The following USF3 variants were observed in gnomAD, a reference collection of about 807,000 sequenced individuals.
USF3 encodes upstream transcription factor family member 3.
A neutral mutation model predicts 157.5 loss-of-function variants in USF3; 29 were observed. The ratio of observed to expected loss-of-function variants is 0.18; its 90% confidence interval spans 0.14 to 0.25. USF3 has a LOEUF of 0.25. Ranked by LOEUF, USF3 falls within the 10% of genes least tolerant of loss-of-function variation. The pLI is 1.00. For missense variants in USF3, 2,381 were observed against 2,667.6 expected (o/e 0.89, Z 2.37); for synonymous variants, 893 against 941.4 (o/e 0.95, Z 0.94).
chr3:113,669,544 C>A (rs776617146), intron 5 of USF3, among the ~76,000 whole-genome samples: 1 of 151,818 alleles, frequency 6.6e-6, no homozygotes, highest in Non-Finnish European at 1.5e-5. Flanking sequence ...TTGTGCCTTT[C>A]GTATTGTTTC....
intron 2 of USF3, 137 bp downstream of exon 2, chr3:113,677,145 C>T (rs542019740): frequency 8.5e-5 from 13 of 152,266 alleles, no homozygotes; most frequent in African/African-American, 3.1e-4. Flanking sequence ...GCAGCTTATT[C>T]CTATTCCACC....
intron 1 of USF3, among the ~76,000 whole-genome samples, chr3:113,696,013 C>T (rs879293596): frequency 2.0e-5 from 3 of 152,228 alleles, no homozygotes; most frequent in Non-Finnish European, 4.4e-5. Context: ...CGGGCAAAGG[C>T]CATCTGGTGT....
chr3:113,659,084 A>G lies in USF3; in HGVS notation c.2598T>C (p.Ser866=). ...ANSVSVSASH[S]LGVLSSESLI... is the part of the protein sequence containing the mutation. ...ATGATTCAGAGCTTAGAACACCCAA[A>G]GAATGTGAAGCAGAAACACTCACAC... The change falls in exon 7 of 7, where the codon TCT becomes TCC. Residue 866 remains serine (S), a synonymous_variant. Transcript: ENST00000316407. 6.2e-7 allele frequency: 1 copy of G among 1,614,188 alleles called. No homozygotes were observed. The highest frequency in any genetic ancestry group is 8.5e-7 in the Non-Finnish European group (1 of 1,180,022).
At chr3:113,679,589 T>C (rs1287496770) in intron 1 of USF3, among the ~76,000 whole-genome samples, 1 of 151,982 alleles carries the variant, frequency 6.6e-6, no homozygotes, top group Non-Finnish European at 1.5e-5. Flanking sequence ...AATTTTTGTA[T>C]TTTTAGTAGA....
At position 113,660,175 on chromosome 3, in the gene USF3, A is replaced by G; in HGVS notation, c.1507T>C (p.Ser503Pro). ...QVVVTLPSCP[S>P]LPMQPLIAQP... The stretch of plus-strand genomic sequence containing the variant: ...GCAATTAGTGGCTGCATAGGTAAAG[A>G]TGGACAAGAAGGCAATGTTACAACT... The change falls in exon 7 of 7, where the codon TCT becomes CCT. Residue 503 changes from serine (S) to proline (P), a missense_variant. Physicochemically the swap from Ser to Pro is moderately conservative, Grantham distance 74. Transcript: ENST00000316407. 2 of 1,614,202 alleles carry G rather than the reference A, an allele frequency of 1.2e-6. No homozygotes were observed. The highest frequency in any genetic ancestry group is 1.7e-6 in the Non-Finnish European group (2 of 1,180,036).
chr3:113,657,558 A>C lies in USF3; in HGVS notation c.4124T>G (p.Val1375Gly), dbSNP rs769177653. 6 of 1,614,160 alleles carry C rather than the reference A, an allele frequency of 3.7e-6. No homozygotes were observed. Among genetic ancestry groups the C allele is most frequent in the Non-Finnish European group, 5.1e-6 (6 of 1,180,028 alleles). The change falls in exon 7 of 7, where the codon GTC becomes GGC. Residue 1375 changes from valine to glycine, a missense_variant. By Grantham distance (109) the Val-to-Gly change is moderately radical. This residue lies in a region of USF3 where 1,435 missense variants were observed against 1,550.9 expected (regional missense o/e 0.93). Coordinates refer to ENST00000316407, the MANE Select transcript of USF3 (RefSeq NM_001009899.4). ...TGAAGAATTAGGAGGGATCTGACTGACCATCATTTGAGTTTGGTCAGAAAT... is the reference window on the plus strand; with the variant it reads ...TGAAGAATTAGGAGGGATCTGACTGCCCATCATTTGAGTTTGGTCAGAAAT... ...DTISDQTQMMVSQIPPNSSNS... is the reference protein window; with the variant it reads ...DTISDQTQMMGSQIPPNSSNS...
In USF3 at chr3:113,693,755, G is replaced by C. The variant is rs117831726; in HGVS notation, c.-135+2615C>G. ...GTAGCATAGAAGTTCAAAGGGGGTC[G>C]ATCACTAAGAACTAGAGTAAGCTAT... On this transcript the variant is annotated intron_variant, in intron 1 of 6. Transcript: ENST00000316407. 4.5e-3 allele frequency among the ~76,000 whole-genome samples: 692 copies of C among 152,310 alleles called. 14 individuals are homozygous for C. Among genetic ancestry groups the C allele is most frequent in the Admixed American group, 0.031 (472 of 15,302 alleles).
chr3:113,667,551 G>C lies in USF3; in HGVS notation c.159+2570C>G, dbSNP rs566780443. 6.6e-5 allele frequency among the ~76,000 whole-genome samples: 10 copies of C among 152,282 alleles called. No homozygotes were observed. In the East Asian group the frequency reaches 1.7e-3, roughly 26 times the overall value. ...GCATAGTGTGTGCCATTGTGTTAAG[G>C]AAACAGAAAGCACAATTTTTAAAAA... On this transcript the variant is annotated intron_variant, in intron 5 of 6. Transcript: ENST00000316407.
In USF3 at chr3:113,656,610, C is replaced by G; in HGVS notation, c.5072G>C (p.Gly1691Ala). 1 of 1,614,194 alleles carries G rather than the reference C, an allele frequency of 6.2e-7. No individual in the cohort carries two copies. Among genetic ancestry groups the G allele is most frequent in the South Asian group, 1.1e-5 (1 of 91,084 alleles). Residue 1691 changes from glycine to alanine, a missense_variant, in exon 7 of 7, where the codon GGT (glycine) becomes GCT (alanine). Gly to Ala is a moderately conservative substitution (Grantham distance 60). Coordinates refer to ENST00000316407, the MANE Select transcript of USF3 (RefSeq NM_001009899.4). ...SEQRMGISIQ[G>A]SRVSDQLEMR... is the part of the protein sequence containing the mutation. ...TTCAAGCTGATCTGAAACTCTGGAA[C>G]CCTGAATTGATATCCCCATTCTCTG...
Position 113,659,498 on chromosome 3 carries a change from T to C in USF3, c.2184A>G (p.Gln728=). Residue 728 remains glutamine (Q), a synonymous_variant, in exon 7 of 7, where the codon CAA becomes CAG. Transcript: ENST00000316407. ...AATTGGCAGGCTGGCTAATAGACAA[T>C]TGTACACAGCTTTGCCCAGCCATCT... ...ISQMAGQSCV[Q]LSISQPANSQ... The C allele has an allele frequency of 6.2e-7, 1 of 1,614,224 alleles. No homozygotes were observed. Among genetic ancestry groups the C allele is most frequent in the African/African-American group, 1.3e-5 (1 of 75,060 alleles).
In USF3 at chr3:113,659,411, T is replaced by C; in HGVS notation, c.2271A>G (p.Ala757=). 1 of 1,614,254 alleles carries C rather than the reference T, an allele frequency of 6.2e-7. No individual in the cohort carries two copies. The highest frequency in any genetic ancestry group is 8.5e-7 in the Non-Finnish European group (1 of 1,180,038). Reference sequence around the variant, plus strand: ...AACTATCTGTTGTCACAGGAGGTGCTGCAGTTGTTGTTAATGAAACACAGT... The same window carrying C: ...AACTATCTGTTGTCACAGGAGGTGCCGCAGTTGTTGTTAATGAAACACAGT... The part of the protein sequence containing the change: ...TANCVSLTTT[A]APPVTTDSSA... The change falls in exon 7 of 7, where the codon GCA becomes GCG. Residue 757 remains alanine (A), a synonymous_variant. Coordinates refer to ENST00000316407, the MANE Select transcript of USF3 (RefSeq NM_001009899.4).
intron 5 of USF3, among the ~76,000 whole-genome samples, chr3:113,664,752 C>T (rs984847128): frequency 3.3e-5 from 5 of 152,108 alleles, no homozygotes; most frequent in African/African-American, 1.2e-4. Flanking sequence ...TTACTTTGTG[C>T]AAAGGACTGA....
Position 113,660,961 on chromosome 3 carries a change from T to G in USF3, c.721A>C (p.Thr241Pro). The change falls in exon 7 of 7, where the codon ACC (threonine) becomes CCC (proline). Residue 241 changes from threonine (T) to proline (P), a missense_variant. By Grantham distance (38) the Thr-to-Pro change is conservative (BLOSUM62 -1). Transcript: ENST00000316407. ...AGCACATTTGATTCGCTTTCAGAGG[T>G]GGGAAGCTCGAGAATACTCTGAGCA... ...ISAQSILELPTSESESNVLGA... is the reference protein window; with the variant it reads ...ISAQSILELPPSESESNVLGA... The G allele has an allele frequency of 6.2e-7, 1 of 1,613,902 alleles. No individual in the cohort carries two copies. Among genetic ancestry groups the G allele is most frequent in the Non-Finnish European group, 8.5e-7 (1 of 1,179,976 alleles).
At position 113,673,092 on chromosome 3, in the gene USF3, C is replaced by A. The variant is rs146989798; in HGVS notation, c.76+256G>T. ...TCTGGACTATCTTGGTAGGTAAAAT[C>A]ACTTAAAACACTAGCTCCAGGGATA... On this transcript the variant is annotated intron_variant, in intron 4 of 6. Coordinates refer to ENST00000316407, the MANE Select transcript of USF3 (RefSeq NM_001009899.4). Among the ~76,000 whole-genome samples, 594 of 152,240 alleles carry A rather than the reference C, an allele frequency of 3.9e-3. 4 individuals are homozygous for A. The highest frequency in any genetic ancestry group is 0.014 in the African/African-American group (562 of 41,534).
intron 6 of USF3, among the ~76,000 whole-genome samples, chr3:113,662,383 G>A (rs1947500416): frequency 6.6e-6 from 1 of 152,098 alleles, no homozygotes. Flanking sequence ...ACCACTAATG[G>A]GGCAGGCTTA....
intron 1 of USF3, among the ~76,000 whole-genome samples, chr3:113,687,330 C>T (rs1325343997): frequency 1.3e-5 from 2 of 151,836 alleles, no homozygotes; most frequent in Non-Finnish European, 2.9e-5. Context: ...CTTGTGTTTC[C>T]CCTGCCCCAC....
intron 3 of USF3, among the ~76,000 whole-genome samples, chr3:113,673,651 A>G (rs1000089700): frequency 6.6e-6 from 1 of 152,248 alleles, no homozygotes; most frequent in Non-Finnish European, 1.5e-5. Context: ...AAATGAATCA[A>G]TCACTGAAAA....
chr3:113,687,267 C>CA (rs373264306), intron 1 of USF3, among the ~76,000 whole-genome samples: 11,178 of 141,214 alleles, frequency 0.079, 459 homozygotes, highest in Non-Finnish European at 0.093. Flanking sequence ...ACACACACAC[C>CA]CCCTTTCTAG....
At chr3:113,666,441 C>CG (rs1400263441) in intron 5 of USF3, among the ~76,000 whole-genome samples, 6 of 144,660 alleles carry the variant, frequency 4.1e-5, no homozygotes, top group African/African-American at 1.5e-4. Context: ...TTGGTAGAGA[C>CG]GGGGTTTCAC....
Sources: gnomAD v4.1 joint callset for allele counts (sites outside exome capture counted in the v4.1 genomes callset) on GRCh38, gnomAD v4.1.1 for gene constraint, gnomAD v4.1.1 regional missense constraint, MANE v1.5 for transcripts, NCBI Gene and HGNC (gene_info 2026-07-23, HGNC 2026-07-21) for gene names.